Variants in NLRC5 observed in about 807,000 individuals in gnomAD.
NLRC5 encodes NLR family CARD domain containing 5.
A neutral mutation model predicts 206.9 loss-of-function variants in NLRC5; 114 were observed. That is an observed-to-expected ratio of 0.55 (90% CI 0.47 to 0.64). The LOEUF is 0.64. Among genes scored for constraint, NLRC5 ranks in the 30% least tolerant of loss-of-function variants. NLRC5 has a pLI of 0.00. For missense variants in NLRC5, 2,008 were observed against 2,305.5 expected, an observed-to-expected ratio of 0.87 and a Z score of 2.64; for synonymous variants, 952 against 962.8, an observed-to-expected ratio of 0.99 and a Z score of 0.21.
intron 2 of NLRC5, among the ~76,000 whole-genome samples, chr16:57,019,312 G>A (rs559918467): frequency 2.6e-5 from 4 of 152,108 alleles, no homozygotes; most frequent in Non-Finnish European, 5.9e-5. Flanking sequence ...CAGAAGAATC[G>A]CTTGAACCCG....
At chr16:57,002,120 A>C (rs1477470480) in intron 1 of NLRC5, among the ~76,000 whole-genome samples, 1 of 152,118 alleles carries the variant, frequency 6.6e-6, no homozygotes, top group Non-Finnish European at 1.5e-5. Flanking sequence ...TCCATTTTGT[A>C]TGTGTGCCAC....
rs2066525813 is a variant in NLRC5 at position 57,061,788 on chromosome 16, T to A, written c.4154+87T>A. The A allele has an allele frequency of 2.3e-5, 35 of 1,554,208 alleles. No homozygotes were observed. The South Asian group carries it at 4.1e-4, about 18-fold the overall frequency. ...CTGGAGTAAGAGGCCCCCAGGATCA[T>A]GGCCCCAGTCATTTCCTGTACCCAC... On this transcript the variant is annotated intron_variant, in intron 32 of 48. Transcript: ENST00000688547.
rs1277236861 is a variant in NLRC5, at chr16:57,082,890, G to A, written c.*362G>A. 1.0e-5 allele frequency: 2 copies of A among 198,654 alleles called. No individual in the cohort carries two copies. The highest frequency in any genetic ancestry group is 2.0e-5 in the Non-Finnish European group (2 of 98,296). The allele number at this position is 198,654 out of a possible 1,614,324, so 12.3% of individuals were successfully genotyped here. A position where few individuals can be genotyped will look rare whatever the true frequency, so the allele number is the denominator to read the frequency against. ...GTGTGGCACGTGTTCTGTGGCATGG[G>A]TGCTGGCATCCCAAGTAGCAGGATA... is the stretch of plus-strand genomic sequence containing the variant. On this transcript the variant is annotated 3_prime_UTR_variant, in exon 49 of 49. Transcript: ENST00000688547.
chr16:57,058,122 G>C lies in NLRC5; in HGVS notation c.3804G>C (p.Pro1268=), dbSNP rs770433526. 17 of 1,610,298 alleles carry C rather than the reference G, an allele frequency of 1.1e-5. No individual in the cohort carries two copies. The Middle Eastern group carries it at 4.9e-4, about 47-fold the overall frequency. ...TCAGATGCCTTCTGGAATGTCTGCC[G>C]CAGGTGCCCATCTCCGGTTTGCTTG... ...SGLRCLLECL[P]QVPISGLLDL... is the part of the protein sequence containing the mutation. The change falls in exon 28 of 49, where the codon CCG becomes CCC. Residue 1268 remains proline (P), a synonymous_variant. Coordinates refer to ENST00000688547, the MANE Select transcript of NLRC5 (RefSeq NM_001384950.1).
At chr16:57,071,340 T>C (rs2067723142) in intron 38 of NLRC5, among the ~76,000 whole-genome samples, 2 of 115,182 alleles carry the variant, frequency 1.7e-5, no homozygotes, top group Non-Finnish European at 3.6e-5. Context: ...GGGTTGTGAG[T>C]GAGTGGTGAT....
At chr16:57,023,929 T>C in intron 5 of NLRC5, 76 bp downstream of exon 5, 1 of 1,357,418 alleles carries the variant, frequency 7.4e-7, no homozygotes, top group Non-Finnish European at 1.0e-6. Context: ...CCCTGGACCT[T>C]GTCCCCTGCC....
intron 1 of NLRC5, chr16:57,013,056 G>T: frequency 5.4e-6 from 1 of 185,794 alleles, no homozygotes; most frequent in Non-Finnish European, 1.2e-5. Context: ...TAATTTTCTT[G>T]CCTTGATTAC....
chr16:57,027,746 A>C (rs1166603135), intron 6 of NLRC5, among the ~76,000 whole-genome samples: 1 of 152,180 alleles, frequency 6.6e-6, no homozygotes, highest in Non-Finnish European at 1.5e-5. Flanking sequence ...ATGGAGGAAC[A>C]TGTCAATGCA....
Position 57,026,097 on chromosome 16 carries a change from C to T in NLRC5, c.1154C>T (p.Ser385Leu), listed in dbSNP as rs199565452. 5.7e-4 allele frequency: 918 copies of T among 1,614,046 alleles called. No homozygotes were observed. The highest frequency in any genetic ancestry group is 7.3e-4 in the Non-Finnish European group (859 of 1,180,048). The change falls in exon 6 of 49, where the codon TCG becomes TTG. Residue 385 changes from serine to leucine, a missense_variant. Ser to Leu is a moderately radical substitution (Grantham distance 145, BLOSUM62 -2). Coordinates refer to ENST00000688547, the MANE Select transcript of NLRC5 (RefSeq NM_001384950.1). ...AATCACTTCTTCAGCGCCCAGCCAT[C>T]GCGGGAGGGGGCCCTGGTGGAGTTA... ...YVNHFFSAQP[S>L]REGALVELQT...
At chr16:57,062,186 C>T (rs79546662) in intron 32 of NLRC5, 15,864 of 536,450 alleles carry the variant, frequency 0.03, 307 homozygotes, top group Non-Finnish European at 0.041. Flanking sequence ...AAGTTATAGA[C>T]CTCATAATCC....
At position 57,081,590 on chromosome 16, in the gene NLRC5, G is replaced by T. The variant is rs747965581; in HGVS notation, c.5469G>T (p.Gly1823=). The change falls in exon 48 of 49, where the codon GGG becomes GGT. Residue 1823 remains glycine, a synonymous_variant. Transcript: ENST00000688547. ...AWLLAEGLAQ[G]SSIQVIRLWN... is the part of the protein sequence containing the mutation. ...TCCTGGCTGAAGGACTGGCCCAGGG[G>T]TCTAGCATCCAAGTCATCCGGTAAC... 9 of 1,613,948 alleles carry T rather than the reference G, an allele frequency of 5.6e-6. No individual in the cohort carries two copies. In the African/African-American group the frequency reaches 9.3e-5, roughly 17 times the overall value.
Position 57,028,158 on chromosome 16 carries a change from G to T in NLRC5, c.2159+3G>T, listed in dbSNP as rs747445337. The T allele has an allele frequency of 6.2e-7, 1 of 1,612,508 alleles. No individual in the cohort carries two copies. Among genetic ancestry groups the T allele is most frequent in the East Asian group, 2.2e-5 (1 of 44,842 alleles). On this transcript the variant is annotated splice_donor_region_variant and intron_variant, in intron 7 of 48. Transcript: ENST00000688547. ...ATGGGGAGGCTGCAGATGCTGGGGT[G>T]AGCCAGGCCTTGGAGCTGAGAAGGG... is the stretch of plus-strand genomic sequence containing the variant.
Position 57,025,616 on chromosome 16 carries a change from G to T in NLRC5, c.673G>T (p.Val225Leu). 1 of 1,614,190 alleles carries T rather than the reference G, an allele frequency of 6.2e-7. No individual in the cohort carries two copies. The highest frequency in any genetic ancestry group is 8.5e-7 in the Non-Finnish European group (1 of 1,180,030). Residue 225 changes from valine (V) to leucine (L), a missense_variant, in exon 6 of 49, where the codon GTG becomes TTG. By Grantham distance (32) the Val-to-Leu change is conservative. Transcript: ENST00000688547. Reference protein sequence around the residue: ...TRVNKGPRVTVLLGKAGMGKT... With the variant: ...TRVNKGPRVTLLLGKAGMGKT... ...GGTTAACAAGGGCCCGAGGGTGACCGTGCTTTTGGGGAAGGCTGGCATGGG... is the reference window on the plus strand; with the variant it reads ...GGTTAACAAGGGCCCGAGGGTGACCTTGCTTTTGGGGAAGGCTGGCATGGG...
At chr16:57,001,983 A>G (rs569279510) in intron 1 of NLRC5, among the ~76,000 whole-genome samples, 1 of 152,106 alleles carries the variant, frequency 6.6e-6, no homozygotes, top group South Asian at 2.1e-4. Context: ...AGATCCCACA[A>G]ATAAGTGAGA....
At chr16:57,068,050 C>T (rs1046626285) in intron 36 of NLRC5, among the ~76,000 whole-genome samples, 1 of 152,196 alleles carries the variant, frequency 6.6e-6, no homozygotes, top group Non-Finnish European at 1.5e-5. Context: ...CTTTTTAACA[C>T]TCTTTCATTG....
At chr16:57,066,397 C>T (rs1264393339) in intron 33 of NLRC5, 137 bp from the exon 34 acceptor site, 2 of 707,462 alleles carry the variant, frequency 2.8e-6, no homozygotes, top group Non-Finnish European at 5.0e-6. Context: ...CTTTCCAGTC[C>T]TAAGCTGGTC....
At chr16:56,991,422 C>T (rs1465197576) in intron 1 of NLRC5, among the ~76,000 whole-genome samples, 1 of 140,094 alleles carries the variant, frequency 7.1e-6, no homozygotes, top group East Asian at 2.1e-4. Flanking sequence ...CACTCTGTTG[C>T]TCAGGCTGGA....
intron 36 of NLRC5, among the ~76,000 whole-genome samples, chr16:57,068,119 G>C (rs1054040535): frequency 2.6e-5 from 4 of 152,188 alleles, no homozygotes; most frequent in Non-Finnish European, 5.9e-5. Flanking sequence ...GAGAACTGCT[G>C]TGTGCCATTT....
intron 1 of NLRC5, among the ~76,000 whole-genome samples, chr16:57,016,075 C>T (rs938420139): frequency 6.7e-6 from 1 of 150,102 alleles, no homozygotes; most frequent in Non-Finnish European, 1.5e-5. Flanking sequence ...ATTAGCCAGA[C>T]GTGGTGGCAC....
Sources: allele counts gnomAD v4.1 joint callset (sites outside exome capture counted in the v4.1 genomes callset), GRCh38; gene constraint gnomAD v4.1.1; transcripts MANE v1.5; gene names NCBI Gene and HGNC (gene_info 2026-07-23, HGNC 2026-07-21).